CHN1: variants seen among roughly 807,000 people sequenced by gnomAD.
CHN1 encodes the protein N-chimaerin.
Under a neutral mutation model 59.5 loss-of-function variants are expected in CHN1, and 37 were observed. The observed-to-expected ratio is 0.62, with a 90% CI of 0.48 to 0.82. The LOEUF is 0.82. Among genes scored for constraint, CHN1 ranks in the 40% least tolerant of loss-of-function variants. The probability of loss-of-function intolerance (pLI) is 0.00; values close to 1 mark genes in which losing one functional copy is unlikely to be tolerated. For synonymous variants in CHN1, 206 were observed against 200.4 expected (o/e 1.03, Z -0.24); for missense variants, 469 against 571.0 (o/e 0.82, Z 1.82).
intron 8 of CHN1, among the ~76,000 whole-genome samples, chr2:174,820,424 G>C (rs756562178): frequency 2.0e-5 from 3 of 152,216 alleles, no homozygotes; most frequent in Admixed American, 6.5e-5. Flanking sequence ...GGCCAGTGAT[G>C]ATGAGCATTT....
In CHN1 at chr2:174,877,886, T is replaced by A. The variant is rs781203325; in HGVS notation, c.503A>T (p.His168Leu). 9 of 1,613,744 alleles carry A rather than the reference T, an allele frequency of 5.6e-6. No homozygotes were observed. The highest frequency in any genetic ancestry group is 1.6e-4 in the Middle Eastern group (1 of 6,084). ...KKHMPVLKET[H>L]DERDSTGQDG... ...CTGGCCTGTAGAATCTCTCTCATCATGTGTCTCTTTCAGGACTGGCATATG... is the reference window on the plus strand; with the variant it reads ...CTGGCCTGTAGAATCTCTCTCATCAAGTGTCTCTTTCAGGACTGGCATATG... The change falls in exon 6 of 13, where the codon CAT becomes CTT. Residue 168 changes from histidine to leucine, a missense_variant. Around this residue, in one of 5 missense-constraint regions of CHN1, gnomAD observed 81 missense variants for 71.7 expected, o/e 1.13. Coordinates refer to ENST00000409900, the MANE Select transcript of CHN1 (RefSeq NM_001822.7).
Position 174,974,093 on chromosome 2 carries a change from C to T in CHN1, c.20-21891G>A, listed in dbSNP as rs565156080. On this transcript the variant is annotated intron_variant, in intron 1 of 12. Transcript: ENST00000409900. ...ATTTCCACTTCAGGACTCAAAATACCGTGACAATGCCAAACATACTTCACA... is the reference window on the plus strand; with the variant it reads ...ATTTCCACTTCAGGACTCAAAATACTGTGACAATGCCAAACATACTTCACA... Among the ~76,000 whole-genome samples, 23 of 152,160 alleles carry T rather than the reference C, an allele frequency of 1.5e-4. No individual in the cohort carries two copies. In the South Asian group the frequency reaches 4.2e-3, roughly 28 times the overall value.
chr2:174,994,508 T>C (rs905365636), intron 1 of CHN1, among the ~76,000 whole-genome samples: 3 of 152,032 alleles, frequency 2.0e-5, no homozygotes, highest in African/African-American at 4.8e-5. Context: ...AAAAAACCTA[T>C]AGCTTTCCCA....
rs141267944 is a variant in CHN1, at chr2:174,860,090, T to C, written c.550-13133A>G. ...CAGAGTTACTGAGTAGCATGCCTTTTTGTTTTTGTTAATTTTGCACTGGCT... is the reference window on the plus strand; with the variant it reads ...CAGAGTTACTGAGTAGCATGCCTTTCTGTTTTTGTTAATTTTGCACTGGCT... On this transcript the variant is annotated intron_variant, in intron 6 of 12. Transcript: ENST00000409900. Among the ~76,000 whole-genome samples the C allele has an allele frequency of 6.9e-3, 1,049 of 152,318 alleles. 16 individuals are homozygous for C. The highest frequency in any genetic ancestry group is 0.024 in the African/African-American group (1,002 of 41,564).
intron 5 of CHN1, among the ~76,000 whole-genome samples, chr2:174,879,627 T>C (rs911790402): frequency 5.9e-5 from 9 of 152,210 alleles, no homozygotes; most frequent in Non-Finnish European, 8.8e-5. Context: ...TATACTGCTT[T>C]CATCATTTCC....
chr2:174,897,894 T>G (rs554465763), intron 5 of CHN1, among the ~76,000 whole-genome samples: 92 of 152,276 alleles, frequency 6.0e-4, no homozygotes, highest in African/African-American at 2.0e-3. Flanking sequence ...ACTGAGTGAC[T>G]TGCTCCTAAA....
intron 1 of CHN1, among the ~76,000 whole-genome samples, chr2:174,955,686 T>G (rs776530335): frequency 4.6e-5 from 7 of 152,132 alleles, no homozygotes; most frequent in Admixed American, 6.6e-5. Context: ...AAATGTGGTA[T>G]GTACACACCA....
At chr2:174,962,810 T>C (rs1690458146) in intron 1 of CHN1, among the ~76,000 whole-genome samples, 1 of 151,826 alleles carries the variant, frequency 6.6e-6, no homozygotes, top group South Asian at 2.1e-4. Context: ...CTCAGGAGGC[T>C]GAGGCAGGAG....
At chr2:174,967,092 C>T (rs1690615623) in intron 1 of CHN1, among the ~76,000 whole-genome samples, 2 of 152,136 alleles carry the variant, frequency 1.3e-5, no homozygotes, top group Non-Finnish European at 2.9e-5. Context: ...CACCTGTAAT[C>T]CCAGCACTTT....
chr2:174,812,634 A>C (rs1321673143), intron 8 of CHN1, among the ~76,000 whole-genome samples, 152 bp from the exon 9 acceptor site: 2 of 152,122 alleles, frequency 1.3e-5, no homozygotes, highest in African/African-American at 4.8e-5. Context: ...AAAAACAATA[A>C]TTTTCATCTT....
chr2:174,903,055 T>C (rs995529898), intron 5 of CHN1, among the ~76,000 whole-genome samples: 11 of 152,190 alleles, frequency 7.2e-5, no homozygotes, highest in Admixed American at 3.9e-4. Flanking sequence ...TATTACCCTC[T>C]CACAGAAATC....
At chr2:174,845,383 T>C (rs1265650815) in intron 7 of CHN1, among the ~76,000 whole-genome samples, 1 of 152,162 alleles carries the variant, frequency 6.6e-6, no homozygotes, top group Non-Finnish European at 1.5e-5. Context: ...AGGATTTATT[T>C]GGGGTCATTT....
chr2:174,817,628 AT>A (rs899427269), intron 8 of CHN1, among the ~76,000 whole-genome samples: 23 of 138,974 alleles, frequency 1.7e-4, no homozygotes, highest in Non-Finnish European at 2.2e-4. Context: ...CGCCCAGCTG[AT>A]TTTTTTTTCT....
intron 8 of CHN1, among the ~76,000 whole-genome samples, chr2:174,818,673 A>G (rs539519984): frequency 6.6e-6 from 1 of 152,210 alleles, no homozygotes; most frequent in East Asian, 1.9e-4. Context: ...CTCCCTTCCA[A>G]TTTCTCAAGT....
chr2:174,803,287 A>G (rs1684786207), intron 11 of CHN1, among the ~76,000 whole-genome samples: 1 of 152,214 alleles, frequency 6.6e-6, no homozygotes, highest in African/African-American at 2.4e-5. Context: ...GATTTGATAA[A>G]TTTCAGAAAC....
intron 3 of CHN1, among the ~76,000 whole-genome samples, chr2:174,942,365 T>C (rs879020149): frequency 6.6e-6 from 1 of 152,078 alleles, no homozygotes; most frequent in Non-Finnish European, 1.5e-5. Context: ...TGCAGCAACA[T>C]GGATGAACCT....
intron 3 of CHN1, among the ~76,000 whole-genome samples, chr2:174,937,345 CATT>C (rs1192250420): frequency 2.0e-5 from 3 of 152,150 alleles, no homozygotes; most frequent in Non-Finnish European, 2.9e-5. Context: ...ACAATACTAT[CATT>C]AGAAGAAAAT....
At chr2:174,846,444 G>GA in intron 7 of CHN1, 3 of 1,528,648 alleles carry the variant, frequency 2.0e-6, no homozygotes, top group Non-Finnish European at 1.8e-6. Context: ...GAAACTATGA[G>GA]AAATGCAAAC....
chr2:174,865,552 CTGG>C (rs1297447665), intron 6 of CHN1, among the ~76,000 whole-genome samples: 3 of 152,120 alleles, frequency 2.0e-5, no homozygotes, highest in East Asian at 1.9e-4. Context: ...AGGAGATAAC[CTGG>C]TGAAGTACTT....
Sources: gnomAD v4.1 joint callset for allele counts (sites outside exome capture counted in the v4.1 genomes callset) on GRCh38, gnomAD v4.1.1 for gene constraint, gnomAD v4.1.1 regional missense constraint, MANE v1.5 for transcripts, NCBI Gene and HGNC (gene_info 2026-07-23, HGNC 2026-07-21) for gene names.